EPHA6: variants seen among roughly 807,000 people sequenced by gnomAD.
The protein encoded by EPHA6 is ephrin type-A receptor 6.
Under a neutral mutation model 112.0 loss-of-function variants are expected in EPHA6, and 50 were observed. The observed-to-expected ratio is 0.45, with a 90% CI of 0.36 to 0.56. EPHA6 has a LOEUF of 0.56. EPHA6 is among the 20% of genes least tolerant of loss of function. The pLI is 0.00. For missense variants in EPHA6, 1,280 were observed against 1,417.4 expected (o/e 0.90, Z 1.56); for synonymous variants, 529 against 490.7 (o/e 1.08, Z -1.03).
intron 5 of EPHA6, among the ~76,000 whole-genome samples, chr3:97,351,945 C>G (rs900201044): frequency 6.6e-6 from 1 of 151,802 alleles, no homozygotes; most frequent in African/African-American, 2.4e-5. Flanking sequence ...AATAAACATA[C>G]CCCCCATTAT....
chr3:97,381,469 A>G (rs2085725574), intron 5 of EPHA6, among the ~76,000 whole-genome samples: 1 of 152,114 alleles, frequency 6.6e-6, no homozygotes, highest in Admixed American at 6.6e-5. Context: ...CTGAGCCACA[A>G]TTCAAATTAA....
intron 5 of EPHA6, among the ~76,000 whole-genome samples, chr3:97,399,889 G>T (rs183605687): frequency 1.1e-4 from 16 of 151,384 alleles, no homozygotes; most frequent in Admixed American, 1.1e-3. Flanking sequence ...TTTTTCAGGT[G>T]TTTTTTGACT....
At chr3:97,331,258 G>C (rs1208698697) in intron 5 of EPHA6, among the ~76,000 whole-genome samples, 2 of 152,054 alleles carry the variant, frequency 1.3e-5, no homozygotes, top group Non-Finnish European at 2.9e-5. Flanking sequence ...AGTGTGTAGA[G>C]GGAAATTTAT....
intron 12 of EPHA6, among the ~76,000 whole-genome samples, chr3:97,600,483 T>C (rs1560178386): frequency 1.3e-5 from 2 of 151,962 alleles, no homozygotes. Flanking sequence ...TGAAGGGTTG[T>C]TGAATTTTGT....
chr3:97,695,131 CAG>C (rs1386720372), intron 14 of EPHA6, among the ~76,000 whole-genome samples: 2 of 152,060 alleles, frequency 1.3e-5, no homozygotes, highest in African/African-American at 4.8e-5. Flanking sequence ...TATCAGCACT[CAG>C]AGAATGATTT....
Position 96,925,480 on chromosome 3 carries a change from C to T in EPHA6, c.450+58591C>T, listed in dbSNP as rs1309399631. Among the ~76,000 whole-genome samples the T allele has an allele frequency of 3.3e-5, 5 of 151,880 alleles. No homozygotes were observed. The East Asian group carries it at 9.6e-4, about 29-fold the overall frequency. On this transcript the variant is annotated intron_variant, in intron 2 of 17. Coordinates refer to ENST00000389672, the MANE Select transcript of EPHA6 (RefSeq NM_001080448.3). Reference sequence around the variant, plus strand: ...ATGGTTGTTTGCATTTCTGTGGGGTCAGTGGTGTTATTTCCTTTATCATTT... The same window carrying T: ...ATGGTTGTTTGCATTTCTGTGGGGTTAGTGGTGTTATTTCCTTTATCATTT...
intron 1 of EPHA6, among the ~76,000 whole-genome samples, chr3:96,827,879 T>C (rs956796499): frequency 6.6e-6 from 1 of 152,044 alleles, no homozygotes; most frequent in Non-Finnish European, 1.5e-5. Context: ...TATAAGAGAA[T>C]TGACAGAAGA....
At chr3:97,491,352 C>T (rs1054929888) in intron 10 of EPHA6, among the ~76,000 whole-genome samples, 3 of 152,140 alleles carry the variant, frequency 2.0e-5, no homozygotes, top group Non-Finnish European at 4.4e-5. Context: ...TCAAAGATAT[C>T]AAAGATGAGT....
chr3:97,091,573 T>G (rs2047067321), intron 3 of EPHA6, among the ~76,000 whole-genome samples: 1 of 152,110 alleles, frequency 6.6e-6, no homozygotes, highest in African/African-American at 2.4e-5. Context: ...AGGTCATCAT[T>G]TAATAACTTT....
intron 5 of EPHA6, among the ~76,000 whole-genome samples, chr3:97,259,104 C>A (rs2108614938): frequency 6.6e-6 from 1 of 152,188 alleles, no homozygotes; most frequent in African/African-American, 2.4e-5. Flanking sequence ...AAAGAGGTAT[C>A]TCAGTAATGT....
rs190648540 is a variant in EPHA6 at position 97,184,384 on chromosome 3, G to A, written c.1115-41880G>A. On this transcript the variant is annotated intron_variant, in intron 3 of 17. Transcript: ENST00000389672. ...AAATATGCCATCCTCTACAAAATCA[G>A]TGTGCAAAAATCACAAGCATTCTTA... Among the ~76,000 whole-genome samples the A allele has an allele frequency of 8.9e-3, 1,346 of 151,984 alleles. 7 individuals carry two copies. The highest frequency in any genetic ancestry group is 0.018 in the Admixed American group (273 of 15,236).
chr3:97,071,686 G>C (rs2046362569), intron 3 of EPHA6, among the ~76,000 whole-genome samples: 1 of 152,008 alleles, frequency 6.6e-6, no homozygotes, highest in Non-Finnish European at 1.5e-5. Flanking sequence ...TATAATTCAA[G>C]TTGAGATTTG....
intron 5 of EPHA6, among the ~76,000 whole-genome samples, chr3:97,255,267 A>G (rs1361572948): frequency 6.6e-6 from 1 of 152,088 alleles, no homozygotes; most frequent in Non-Finnish European, 1.5e-5. Flanking sequence ...CTCATCTCCA[A>G]AATAAGAATG....
At chr3:97,340,416 A>G (rs1306141550) in intron 5 of EPHA6, among the ~76,000 whole-genome samples, 1 of 151,948 alleles carries the variant, frequency 6.6e-6, no homozygotes, top group Non-Finnish European at 1.5e-5. Flanking sequence ...AAGGACAGAA[A>G]TTCTTTTTCT....
At chr3:97,534,744 T>C (rs1410673784) in intron 11 of EPHA6, among the ~76,000 whole-genome samples, 1 of 152,060 alleles carries the variant, frequency 6.6e-6, no homozygotes, top group African/African-American at 2.4e-5. Flanking sequence ...TCATATTTTC[T>C]GACTTCCTTG....
At position 97,455,097 on chromosome 3, in the gene EPHA6, T is replaced by C. The variant is rs534409088; in HGVS notation, c.1894+6367T>C. 2.0e-5 allele frequency among the ~76,000 whole-genome samples: 3 copies of C among 152,086 alleles called. No homozygotes were observed. The East Asian group carries it at 5.8e-4, about 29-fold the overall frequency. ...TCTGAATATAAAGTGGCCTGTCCTA[T>C]AAGGTAGCGAAGGCCCCTCATAATA... On this transcript the variant is annotated intron_variant, in intron 7 of 17. Transcript: ENST00000389672.
intron 15 of EPHA6, among the ~76,000 whole-genome samples, chr3:97,723,059 A>G (rs1189669183): frequency 1.3e-5 from 2 of 152,192 alleles, no homozygotes; most frequent in African/African-American, 4.8e-5. Flanking sequence ...TAATCTCTGA[A>G]GAAATATTTA....
chr3:97,549,110 G>T (rs2092996221), intron 11 of EPHA6, among the ~76,000 whole-genome samples: 1 of 152,172 alleles, frequency 6.6e-6, no homozygotes. Context: ...ACTGGTTTGT[G>T]TATTAGCTAA....
intron 11 of EPHA6, among the ~76,000 whole-genome samples, chr3:97,575,216 A>G (rs2093371144): frequency 6.6e-6 from 1 of 152,140 alleles, no homozygotes; most frequent in African/African-American, 2.4e-5. Flanking sequence ...AAATGCACAT[A>G]TTGTTTAACT....
Sources: allele counts gnomAD v4.1 joint callset (sites outside exome capture counted in the v4.1 genomes callset), GRCh38; gene constraint gnomAD v4.1.1; transcripts MANE v1.5; gene names NCBI Gene and HGNC (gene_info 2026-07-23, HGNC 2026-07-21).